Variants in LMTK2 observed in about 807,000 individuals in gnomAD.
The protein encoded by LMTK2 is lemur tail kinase 2, also known as serine/threonine-protein kinase LMTK2.
A neutral mutation model predicts 127.5 loss-of-function variants in LMTK2; 37 were observed. The observed-to-expected ratio is 0.29, with a 90% CI of 0.22 to 0.38. The LOEUF (loss-of-function observed/expected upper bound fraction) is 0.38. Among genes scored for constraint, LMTK2 ranks in the 10% least tolerant of loss-of-function variants. The pLI is 1.00. For missense variants in LMTK2, 1,694 were observed against 1,920.3 expected (o/e 0.88, Z 2.20); for synonymous variants, 819 against 810.1 (o/e 1.01, Z -0.19).
rs766000131 is a variant in LMTK2, at chr7:98,192,781, G to A, written c.2316G>A (p.Gln772=). 2 of 1,613,776 alleles carry A rather than the reference G, an allele frequency of 1.2e-6. No individual in the cohort carries two copies. The highest frequency in any genetic ancestry group is 1.3e-5 in the African/African-American group (1 of 74,918). Residue 772 remains glutamine, a synonymous_variant, in exon 11 of 14, where the codon CAG becomes CAA. Transcript: ENST00000297293. ...SCRNSLDTEL[Q]FAENKPGLSL... ...GAAACTCTTTAGATACTGAGCTTCA[G>A]TTTGCTGAAAATAAGCCAGGCTTGT...
At position 98,193,291 on chromosome 7, in the gene LMTK2, A is replaced by G. The variant is rs199639482; in HGVS notation, c.2826A>G (p.Lys942=). The change falls in exon 11 of 14, where the codon AAA becomes AAG. Residue 942 remains lysine, a synonymous_variant. Coordinates refer to ENST00000297293, the MANE Select transcript of LMTK2 (RefSeq NM_014916.4). This position sits in a 1 kb window ranked among gnomAD's most constrained non-coding sequence, Gnocchi z 4.1. ...ATCACAGTCATCGCCGGCTAGAGAA[A>G]AACTTAGAGGCTGTGGAGACTTTAA... ...EDHHSHRRLE[K]NLEAVETLNQ... is the part of the protein sequence containing the mutation. The G allele has an allele frequency of 1.2e-6, 2 of 1,613,946 alleles. No homozygotes were observed. The highest frequency in any genetic ancestry group is 3.3e-5 in the Admixed American group (2 of 60,028).
In LMTK2 at chr7:98,207,594, A is replaced by C. The variant is rs1401548375; in HGVS notation, c.*2102A>C. 6.6e-6 allele frequency: 1 copy of C among 151,680 alleles called. No homozygotes were observed. The highest frequency in any genetic ancestry group is 1.9e-4 in the East Asian group (1 of 5,158). The allele number at this position is 151,680 out of a possible 1,614,324, so 9.4% of individuals were successfully genotyped here. A position where few individuals can be genotyped will look rare whatever the true frequency, so the allele number is the denominator to read the frequency against. ...GAATTCTTGCTGTGGGGACTTCCTG[A>C]GTTTTCTCAGTTTTTACATCTAAGA... On this transcript the variant is annotated 3_prime_UTR_variant, in exon 14 of 14. Coordinates refer to ENST00000297293, the MANE Select transcript of LMTK2 (RefSeq NM_014916.4).
chr7:98,183,921 TG>T (rs1475062561), intron 7 of LMTK2, among the ~76,000 whole-genome samples: 1 of 152,184 alleles, frequency 6.6e-6, no homozygotes, highest in Non-Finnish European at 1.5e-5. Flanking sequence ...TGAATCTATC[TG>T]GGTCTGCAAC....
chr7:98,145,825 C>T (rs1338587076), intron 3 of LMTK2, among the ~76,000 whole-genome samples: 1 of 152,112 alleles, frequency 6.6e-6, no homozygotes, highest in African/African-American at 2.4e-5. Context: ...TGATGAAGTC[C>T]AGTTTATCTG....
chr7:98,192,578 C>A lies in LMTK2; in HGVS notation c.2113C>A (p.Leu705Ile), dbSNP rs756705567. The change falls in exon 11 of 14, where the codon CTT (leucine) becomes ATT (isoleucine). Residue 705 changes from leucine to isoleucine, a missense_variant. This residue lies in a region of LMTK2 where 527 missense variants were observed against 539.8 expected (regional missense o/e 0.98). Transcript: ENST00000297293. ...DSEPLCLSDN[L>I]MHQDNFDPLN... The stretch of plus-strand genomic sequence containing the variant: ...TGAGCCTCTCTGCCTATCAGATAAT[C>A]TTATGCACCAAGATAATTTTGATCC... 2 of 1,613,320 alleles carry A rather than the reference C, an allele frequency of 1.2e-6. No homozygotes were observed. Among genetic ancestry groups the A allele is most frequent in the Non-Finnish European group, 8.5e-7 (1 of 1,179,860 alleles).
At chr7:98,114,806 T>C (rs1218814761) in intron 1 of LMTK2, among the ~76,000 whole-genome samples, 1 of 152,218 alleles carries the variant, frequency 6.6e-6, no homozygotes, top group Non-Finnish European at 1.5e-5. Context: ...ATTCTCCCTG[T>C]TTGCAATTGC....
intron 4 of LMTK2, among the ~76,000 whole-genome samples, chr7:98,153,840 A>G (rs1473307268): frequency 6.6e-6 from 1 of 151,958 alleles, no homozygotes; most frequent in Non-Finnish European, 1.5e-5. Context: ...TGCTCCATAC[A>G]GGGTGACAGA....
intron 1 of LMTK2, among the ~76,000 whole-genome samples, chr7:98,121,792 G>C (rs1276787228): frequency 6.6e-6 from 1 of 152,126 alleles, no homozygotes; most frequent in Non-Finnish European, 1.5e-5. Flanking sequence ...CTTGAGGCCA[G>C]GAGTTCGAGA....
intron 1 of LMTK2, among the ~76,000 whole-genome samples, chr7:98,120,367 A>G (rs1168132631): frequency 6.6e-6 from 1 of 152,214 alleles, no homozygotes; most frequent in African/African-American, 2.4e-5. Context: ...TTGACATGGT[A>G]TAATTGCAAC....
Position 98,171,591 on chromosome 7 carries a change from C to T in LMTK2, c.708C>T (p.Asp236=), listed in dbSNP as rs956951155. The T allele has an allele frequency of 6.2e-7, 1 of 1,613,406 alleles. No homozygotes were observed. The highest frequency in any genetic ancestry group is 2.2e-5 in the East Asian group (1 of 44,880). ...GCGAGCAGGAGCACATGCGGGGGGA[C>T]TCACAGACCATGCTGCTGCAGAGGA... ...LRSEQEHMRG[D]SQTMLLQRMA... Residue 236 remains aspartate (D), a synonymous_variant, in exon 7 of 14, where the codon GAC becomes GAT. Coordinates refer to ENST00000297293, the MANE Select transcript of LMTK2 (RefSeq NM_014916.4). The surrounding 1 kb of genome is among the most constrained non-coding windows in gnomAD (Gnocchi z 5.1).
intron 9 of LMTK2, 23 bp from the exon 10 acceptor site, chr7:98,190,705 C>T: frequency 6.2e-7 from 1 of 1,612,624 alleles, no homozygotes; most frequent in African/African-American, 1.3e-5. Context: ...GAGAGAGAAA[C>T]AGCCATTTTC....
chr7:98,201,820 G>A (rs998336079), intron 11 of LMTK2, among the ~76,000 whole-genome samples: 3 of 152,236 alleles, frequency 2.0e-5, no homozygotes, highest in Admixed American at 6.5e-5. Context: ...GTGTTGCCCA[G>A]GCTGGTTTTG....
chr7:98,137,979 C>T (rs1796618464), intron 2 of LMTK2, among the ~76,000 whole-genome samples: 1 of 152,156 alleles, frequency 6.6e-6, no homozygotes. Context: ...ATTGAAACCT[C>T]AAGTTCCCTA....
chr7:98,156,649 A>T lies in LMTK2; in HGVS notation c.569+1773A>T, dbSNP rs1796930199. Among the ~76,000 whole-genome samples the T allele has an allele frequency of 1.3e-5, 2 of 152,350 alleles. 1 individual carries two copies. The highest frequency in any genetic ancestry group is 6.8e-3 in the Middle Eastern group (2 of 294). ...TAAGTTATATATTAGCATTAGTTAT[A>T]TATTAGCATTCTCCAGAGGAACAGA... On this transcript the variant is annotated intron_variant, in intron 5 of 13. Coordinates refer to ENST00000297293, the MANE Select transcript of LMTK2 (RefSeq NM_014916.4).
chr7:98,189,299 G>T (rs961452141), intron 9 of LMTK2, among the ~76,000 whole-genome samples: 1 of 152,124 alleles, frequency 6.6e-6, no homozygotes, highest in African/African-American at 2.4e-5. Context: ...GGATGGGGTG[G>T]TGGAGGCCAG....
intron 1 of LMTK2, among the ~76,000 whole-genome samples, chr7:98,121,983 G>T (rs796983525): frequency 7.9e-5 from 12 of 152,148 alleles, no homozygotes; most frequent in African/African-American, 2.9e-4. Flanking sequence ...CGACAGAGCC[G>T]GACTGTCGAG....
intron 4 of LMTK2, among the ~76,000 whole-genome samples, chr7:98,154,009 G>A (rs1796892964): frequency 6.6e-6 from 1 of 152,056 alleles, no homozygotes; most frequent in South Asian, 2.1e-4. Flanking sequence ...ATTTTAAAAG[G>A]AACTATTTTA....
intron 12 of LMTK2, 27 bp from the exon 13 acceptor site, chr7:98,203,916 AG>A: frequency 1.2e-6 from 2 of 1,610,786 alleles, no homozygotes; most frequent in Non-Finnish European, 1.7e-6. Context: ...AGTGATAAAA[AG>A]GGTGGGGTTT....
intron 8 of LMTK2, 77 bp downstream of exon 8, chr7:98,185,212 G>A: frequency 1.0e-6 from 1 of 988,162 alleles, no homozygotes; most frequent in Non-Finnish European, 1.6e-6. Context: ...ATGCCCCACT[G>A]TTTGTATAAG....
Sources: gnomAD v4.1 joint callset for allele counts (sites outside exome capture counted in the v4.1 genomes callset) on GRCh38, gnomAD v4.1.1 for gene constraint, gnomAD v4.1.1 regional missense constraint, Gnocchi (gnomAD v3.1) non-coding constraint, MANE v1.5 for transcripts, NCBI Gene and HGNC (gene_info 2026-07-23, HGNC 2026-07-21) for gene names.